The following CDH13 variants were observed in gnomAD, a reference collection of about 807,000 sequenced individuals.
The protein encoded by CDH13 is cadherin 13.
Under a neutral mutation model 63.8 loss-of-function variants are expected in CDH13, and 24 were observed. That is an observed-to-expected ratio of 0.38 (90% CI 0.27 to 0.53). The LOEUF is 0.53. Among genes scored for constraint, CDH13 ranks in the 20% least tolerant of loss-of-function variants. The pLI, the probability that CDH13 is intolerant of heterozygous loss-of-function variation, is 0.85. For missense variants in CDH13, 1,049 were observed against 903.1 expected, an observed-to-expected ratio of 1.16 and a Z score of -2.07; for synonymous variants, 503 against 355.3, an observed-to-expected ratio of 1.42 and a Z score of -4.67.
At chr16:83,092,022 T>A (rs894125892) in intron 3 of CDH13, among the ~76,000 whole-genome samples, 5 of 152,250 alleles carry the variant, frequency 3.3e-5, no homozygotes, top group Non-Finnish European at 7.3e-5. Flanking sequence ...CATTAAAAAT[T>A]TATTTTGAAA....
intron 4 of CDH13, among the ~76,000 whole-genome samples, chr16:83,158,727 C>T (rs896887214): frequency 6.6e-6 from 1 of 152,224 alleles, no homozygotes; most frequent in Non-Finnish European, 1.5e-5. Context: ...CAGGAAGGTG[C>T]CCAGCTGGGT....
At chr16:82,739,974 C>G (rs532354224) in intron 1 of CDH13, among the ~76,000 whole-genome samples, 1 of 152,164 alleles carries the variant, frequency 6.6e-6, no homozygotes, top group South Asian at 2.1e-4. Flanking sequence ...ACTAATTATC[C>G]CTTAATTTGC....
intron 1 of CDH13, among the ~76,000 whole-genome samples, chr16:82,710,549 AAAAAT>A (rs1232784190): frequency 7.0e-5 from 7 of 99,642 alleles, no homozygotes; most frequent in Admixed American, 1.2e-4. Context: ...AAAAAAAAAA[AAAAAT>A]ATATATATAT....
At chr16:82,640,491 C>G (rs1409534058) in intron 1 of CDH13, among the ~76,000 whole-genome samples, 1 of 152,100 alleles carries the variant, frequency 6.6e-6, no homozygotes, top group African/African-American at 2.4e-5. Context: ...CTGTTCAATT[C>G]TATCCGTGTA....
chr16:83,794,300 C>G (rs984635852), intron 13 of CDH13, among the ~76,000 whole-genome samples: 2 of 152,206 alleles, frequency 1.3e-5, no homozygotes, highest in African/African-American at 2.4e-5. Context: ...GCCTATAACC[C>G]CCAGCACTTT....
chr16:83,368,999 A>T (rs1395149705), intron 6 of CDH13, among the ~76,000 whole-genome samples: 2 of 133,182 alleles, frequency 1.5e-5, no homozygotes, highest in Admixed American at 1.6e-4. Flanking sequence ...ATGTTCTTGC[A>T]ATTGCAAATT....
chr16:83,387,797 C>A (rs968306732), intron 6 of CDH13, among the ~76,000 whole-genome samples: 2 of 152,126 alleles, frequency 1.3e-5, no homozygotes, highest in African/African-American at 4.8e-5. Flanking sequence ...CTACAGCAGT[C>A]CCCCTGGCAC....
intron 8 of CDH13, among the ~76,000 whole-genome samples, chr16:83,605,598 G>T (rs1282689291): frequency 6.6e-6 from 1 of 152,160 alleles, no homozygotes; most frequent in Non-Finnish European, 1.5e-5. Flanking sequence ...AAAGAACCTA[G>T]ATAGTGCCTG....
chr16:83,103,710 C>T (rs1210230343), intron 3 of CDH13, among the ~76,000 whole-genome samples: 1 of 152,182 alleles, frequency 6.6e-6, no homozygotes, highest in Non-Finnish European at 1.5e-5. Context: ...CTGTGCCTCA[C>T]TTTCCTCATC....
intron 1 of CDH13, among the ~76,000 whole-genome samples, chr16:82,815,412 TGG>T (rs2037656068): frequency 6.6e-6 from 1 of 152,056 alleles, no homozygotes; most frequent in Non-Finnish European, 1.5e-5. Flanking sequence ...TTACACGAGC[TGG>T]TGGTGTTGCG....
intron 13 of CDH13, among the ~76,000 whole-genome samples, chr16:83,793,115 A>G (rs533900845): frequency 6.6e-6 from 1 of 152,244 alleles, no homozygotes; most frequent in East Asian, 1.9e-4. Flanking sequence ...CCTTCTTTTG[A>G]TGGAGCAAGA....
At chr16:82,894,344 T>C (rs1482098604) in intron 2 of CDH13, among the ~76,000 whole-genome samples, 7 of 152,180 alleles carry the variant, frequency 4.6e-5, no homozygotes, top group African/African-American at 1.7e-4. Context: ...GGCCAGACAG[T>C]GCCTTAACAA....
intron 6 of CDH13, among the ~76,000 whole-genome samples, chr16:83,406,006 C>G (rs373403935): frequency 1.3e-5 from 2 of 152,220 alleles, no homozygotes; most frequent in African/African-American, 4.8e-5. Flanking sequence ...GCATTGGGCA[C>G]TCCCACCTTC....
chr16:83,291,995 AT>A lies in CDH13; in HGVS notation c.637-52866del, dbSNP rs765002335. Among the ~76,000 whole-genome samples, 80 of 152,298 alleles carry A rather than the reference AT, an allele frequency of 5.3e-4. 1 individual carries two copies. Among genetic ancestry groups the A allele is most frequent in the Admixed American group, 3.9e-4 (6 of 15,292 alleles). On this transcript the variant is annotated intron_variant, in intron 5 of 13. Transcript: ENST00000567109. Reference sequence around the variant, plus strand: ...AATGGTCATGAGTTATTGAATTTGTATAGGAGAGTTAATTTGTAATGTCCTT... The same window carrying A: ...AATGGTCATGAGTTATTGAATTTGTAAGGAGAGTTAATTTGTAATGTCCTT...
rs937700771 is a variant in CDH13, at chr16:83,272,648, C to T, written c.636+55151C>T. Among the ~76,000 whole-genome samples the T allele has an allele frequency of 2.6e-5, 4 of 152,130 alleles. No homozygotes were observed. The East Asian group carries it at 7.7e-4, about 29-fold the overall frequency. ...AGAGACATCTCTAGCAAATCATAAT[C>T]ATTTGCGTTAATAGGTCTGTGTGGC... On this transcript the variant is annotated intron_variant, in intron 5 of 13. Coordinates refer to ENST00000567109, the MANE Select transcript of CDH13 (RefSeq NM_001257.5).
chr16:83,083,228 T>A (rs1198056561), intron 3 of CDH13, among the ~76,000 whole-genome samples: 2 of 152,236 alleles, frequency 1.3e-5, no homozygotes, highest in African/African-American at 4.8e-5. Context: ...ATTCTCAAAA[T>A]ACTCTTGGGA....
intron 5 of CDH13, among the ~76,000 whole-genome samples, chr16:83,313,387 A>C (rs997582020): frequency 6.6e-6 from 1 of 152,238 alleles, no homozygotes; most frequent in African/African-American, 2.4e-5. Flanking sequence ...ACCATTCAGC[A>C]TATGTTAGCC....
intron 2 of CDH13, among the ~76,000 whole-genome samples, chr16:82,965,285 C>G (rs1204626777): frequency 1.3e-5 from 2 of 152,160 alleles, no homozygotes; most frequent in South Asian, 2.1e-4. Flanking sequence ...GGGAACTGAG[C>G]TAGCAAAGAG....
intron 4 of CDH13, among the ~76,000 whole-genome samples, chr16:83,165,934 G>C (rs1438540353): frequency 6.6e-6 from 1 of 152,106 alleles, no homozygotes; most frequent in Non-Finnish European, 1.5e-5. Context: ...AACAGTGGTG[G>C]GAGAGGCTGG....
Sources: allele counts gnomAD v4.1 joint callset (sites outside exome capture counted in the v4.1 genomes callset), GRCh38; gene constraint gnomAD v4.1.1; transcripts MANE v1.5; gene names NCBI Gene and HGNC (gene_info 2026-07-23, HGNC 2026-07-21).